The following RGPD8 variants were observed in gnomAD, a reference collection of about 807,000 sequenced individuals.
RGPD8 encodes RANBP2 like and GRIP domain containing 8.
A neutral mutation model predicts 89.1 loss-of-function variants in RGPD8; 15 were observed. The observed-to-expected ratio is 0.17, with a 90% confidence interval of 0.11 to 0.26. RGPD8 has a LOEUF of 0.26. Among genes scored for constraint, RGPD8 ranks in the 10% least tolerant of loss-of-function variants. The pLI is 1.00. For missense variants in RGPD8, 178 were observed against 1,179.6 expected, an observed-to-expected ratio of 0.15 and a Z score of 12.44; for synonymous variants, 62 against 420.9, an observed-to-expected ratio of 0.15 and a Z score of 10.44.
Position 112,417,182 on chromosome 2 carries a change from A to G in RGPD8, c.782+11T>C, listed in dbSNP as rs761447597. On this transcript the variant is annotated intron_variant, in intron 6 of 22. Transcript: ENST00000302558. The stretch of plus-strand genomic sequence containing the variant: ...ATTTATACTAAAGCATTCTCCTCAA[A>G]GTCTACGCACCTTTCCAGTAATTCT... The G allele has an allele frequency of 1.1e-4, 179 of 1,608,702 alleles. 2 individuals are homozygous for G. Among genetic ancestry groups the G allele is most frequent in the Non-Finnish European group, 1.2e-4 (145 of 1,179,832 alleles).
In RGPD8 at chr2:112,387,386, C is replaced by T. The variant is rs1472676875; in HGVS notation, c.4921+638G>A. On this transcript the variant is annotated intron_variant, in intron 20 of 22. Coordinates refer to ENST00000302558, the MANE Select transcript of RGPD8 (RefSeq NM_001164463.1). ...TTTTTGTTTTTTTTGGAGACAAAGT[C>T]TCACTCAGTCACTCAGTCAGGCTGG... Among the ~76,000 whole-genome samples the T allele has an allele frequency of 2.8e-5, 4 of 140,656 alleles. 1 individual carries two copies. The highest frequency in any genetic ancestry group is 6.3e-5 in the Non-Finnish European group (4 of 63,636). The allele number at this position is 140,656 out of a possible 152,430, so 92.3% of individuals were successfully genotyped here. A position where few individuals can be genotyped will look rare whatever the true frequency, so the allele number is the denominator to read the frequency against.
intron 22 of RGPD8, among the ~76,000 whole-genome samples, chr2:112,374,631 C>T (rs1678062794): frequency 8.3e-6 from 1 of 120,832 alleles, no homozygotes; most frequent in Admixed American, 8.5e-5. Flanking sequence ...TTTTTTAATA[C>T]TGCTTGAGAT....
At chr2:112,377,694 C>G (rs1312038324) in intron 22 of RGPD8, among the ~76,000 whole-genome samples, 4 of 89,278 alleles carry the variant, frequency 4.5e-5, no homozygotes, top group East Asian at 3.1e-4. Flanking sequence ...AAGGAAGAGG[C>G]GTGAAGTAGA....
chr2:112,402,210 G>C (rs1678887599), intron 9 of RGPD8, among the ~76,000 whole-genome samples: 1 of 75,778 alleles, frequency 1.3e-5, no homozygotes, highest in African/African-American at 6.1e-5. Context: ...TTAAAGCAAT[G>C]GAACACCACT....
At chr2:112,413,152 T>C (rs1350806056) in intron 6 of RGPD8, among the ~76,000 whole-genome samples, 4 of 145,832 alleles carry the variant, frequency 2.7e-5, no homozygotes, top group Admixed American at 6.6e-5. Context: ...ACGGAGTCTC[T>C]CACTACCGCC....
intron 20 of RGPD8, among the ~76,000 whole-genome samples, chr2:112,387,803 G>A (rs1387505261): frequency 2.1e-5 from 3 of 146,052 alleles, no homozygotes; most frequent in Non-Finnish European, 1.5e-5. Context: ...TAGCATGATA[G>A]AAGTATCTTC....
chr2:112,374,507 A>G (rs1376967098), intron 22 of RGPD8, among the ~76,000 whole-genome samples: 80 of 140,982 alleles, frequency 5.7e-4, no homozygotes, highest in Admixed American at 1.1e-3. Flanking sequence ...AATGCTGTTG[A>G]GAAGTCTATT....
At chr2:112,426,510 G>A (rs576249837) in intron 1 of RGPD8, among the ~76,000 whole-genome samples, 16 of 149,316 alleles carry the variant, frequency 1.1e-4, no homozygotes, top group East Asian at 3.9e-4. Context: ...GTAAAACCAC[G>A]TAAGGCAATA....
intron 1 of RGPD8, among the ~76,000 whole-genome samples, chr2:112,430,384 T>G (rs560724318): frequency 6.6e-6 from 1 of 152,342 alleles, no homozygotes; most frequent in Admixed American, 6.5e-5. Context: ...ATGTTCCAGT[T>G]ACTCACTAGT....
rs535077568 is a variant in RGPD8 at position 112,379,959 on chromosome 2, A to ATT, written c.5061+864_5061+865insAA. Among the ~76,000 whole-genome samples, 38 of 152,150 alleles carry ATT rather than the reference A, an allele frequency of 2.5e-4. No homozygotes were observed. In the South Asian group the frequency reaches 4.2e-3, roughly 17 times the overall value. ...AACCAGTGATGAGATTAAATAATGTATGTAAAGCCCAGGGCCTGGGTCATA... is the reference window on the plus strand; with the variant it reads ...AACCAGTGATGAGATTAAATAATGTATTTGTAAAGCCCAGGGCCTGGGTCATA... On this transcript the variant is annotated intron_variant, in intron 21 of 22. Coordinates refer to ENST00000302558, the MANE Select transcript of RGPD8 (RefSeq NM_001164463.1).
intron 1 of RGPD8, among the ~76,000 whole-genome samples, chr2:112,428,858 C>T (rs2104404242): frequency 1.3e-5 from 2 of 150,876 alleles, no homozygotes; most frequent in South Asian, 2.1e-4. Context: ...TCCAGGAAAA[C>T]GTGGGTGCAG....
intron 1 of RGPD8, among the ~76,000 whole-genome samples, chr2:112,429,237 G>A (rs1484463805): frequency 6.6e-6 from 1 of 151,868 alleles, no homozygotes; most frequent in Non-Finnish European, 1.5e-5. Context: ...TGGCTAACAC[G>A]GTGAAACTCC....
intron 18 of RGPD8, 69 bp from the exon 19 acceptor site, chr2:112,391,138 A>T: frequency 1.1e-6 from 1 of 880,176 alleles, no homozygotes; most frequent in Non-Finnish European, 1.8e-6. Context: ...CTATCTAGGC[A>T]AGAGCTATAA....
chr2:112,390,353 A>AATG lies in RGPD8; in HGVS notation c.2698-109_2698-107dup, dbSNP rs372712627. 2.5e-3 allele frequency: 1,843 copies of AATG among 732,550 alleles called. 22 individuals carry two copies. The highest frequency in any genetic ancestry group is 3.2e-3 in the Non-Finnish European group (1,516 of 469,430). 45.4% of individuals were successfully genotyped at this position (732,550 alleles called of 1,614,324 possible). A position where few individuals can be genotyped will look rare whatever the true frequency, so the allele number is the denominator to read the frequency against. On this transcript the variant is annotated intron_variant, in intron 19 of 22. Transcript: ENST00000302558. ...CAATTTATCAAATGATGTTAACAAT[A>AATG]ATGATGATGATGATGATGATAACAT... is the stretch of plus-strand genomic sequence containing the variant.
intron 1 of RGPD8, among the ~76,000 whole-genome samples, 152 bp from the exon 2 acceptor site, chr2:112,424,459 C>T (rs571621937): frequency 2.6e-5 from 4 of 152,328 alleles, no homozygotes; most frequent in Admixed American, 2.0e-4. Flanking sequence ...GCGGCTCATG[C>T]CTGTAATCCC....
intron 6 of RGPD8, among the ~76,000 whole-genome samples, chr2:112,416,088 C>CAAA (rs1168507298): frequency 0.013 from 1,138 of 88,956 alleles, no homozygotes; most frequent in African/African-American, 0.031. Context: ...GACTCCATCT[C>CAAA]AAAAAAAAAA....
At chr2:112,370,359 G>GGGGGGCTT (rs1249646916) in intron 22 of RGPD8, 147 bp from the exon 23 acceptor site, 1 of 100,750 alleles carries the variant, frequency 9.9e-6, no homozygotes, top group African/African-American at 7.1e-5. Flanking sequence ...GGGGGGGGGG[G>GGGGGGCTT]TTCTTTTTTT....
At chr2:112,386,159 GGCCTCAGTTTACTCAT>G (rs1678478487) in intron 20 of RGPD8, 1 of 99,496 alleles carries the variant, frequency 1.0e-5, no homozygotes, top group African/African-American at 3.9e-5. Context: ...AGCCTCTCTT[GGCCTCAGTTTACTCAT>G]GTCTAAAGTC....
intron 1 of RGPD8, chr2:112,432,486 T>C: frequency 1.0e-6 from 1 of 985,012 alleles, no homozygotes; most frequent in South Asian, 4.7e-5. Flanking sequence ...TCCGTGTCAT[T>C]TGTGCCATCG....
Sources: gnomAD v4.1 joint callset for allele counts (sites outside exome capture counted in the v4.1 genomes callset) on GRCh38, gnomAD v4.1.1 for gene constraint, MANE v1.5 for transcripts, NCBI Gene and HGNC (gene_info 2026-07-23, HGNC 2026-07-21) for gene names.